Variants in MYOT observed in about 807,000 individuals in gnomAD.
MYOT encodes myotilin.
A neutral mutation model predicts 58.0 loss-of-function variants in MYOT; 36 were observed. That is an observed-to-expected ratio of 0.62 (90% CI 0.48 to 0.82). The LOEUF is 0.82. Among genes scored for constraint, MYOT ranks in the 40% least tolerant of loss-of-function variants. The probability of loss-of-function intolerance (pLI) is 0.00; values close to 1 mark genes in which losing one functional copy is unlikely to be tolerated. For missense variants in MYOT, 505 were observed against 592.1 expected (o/e 0.85, Z 1.53); for synonymous variants, 218 against 204.6 (o/e 1.07, Z -0.56).
chr5:137,871,176 C>T (rs1019610907), intron 2 of MYOT, among the ~76,000 whole-genome samples, 169 bp downstream of exon 2: 1 of 152,150 alleles, frequency 6.6e-6, no homozygotes, highest in Non-Finnish European at 1.5e-5. Flanking sequence ...AACCAGGGTA[C>T]TGGCAATAAG....
chr5:137,881,866 G>A (rs1025069213), intron 5 of MYOT, 107 bp from the exon 6 acceptor site: 15 of 1,186,890 alleles, frequency 1.3e-5, no homozygotes, highest in African/African-American at 6.1e-5. Context: ...TGGGCAACAA[G>A]AGTGAAACTC....
At chr5:137,880,590 T>A (rs1755394264) in intron 4 of MYOT, 1 of 445,756 alleles carries the variant, frequency 2.2e-6, no homozygotes, top group Admixed American at 3.8e-5. Context: ...CTAATTTTCA[T>A]AAATAATACT....
Position 137,886,959 on chromosome 5 carries a change from C to G in MYOT, c.1286C>G (p.Ala429Gly), listed in dbSNP as rs144731446. 622 of 1,613,302 alleles carry G rather than the reference C, an allele frequency of 3.9e-4. No individual in the cohort carries two copies. Among genetic ancestry groups the G allele is most frequent in the Non-Finnish European group, 5.0e-4 (591 of 1,179,292 alleles). Residue 429 changes from alanine (A) to glycine (G), a missense_variant, in exon 9 of 10, where the codon GCT becomes GGT. Physicochemically the swap from Ala to Gly is moderately conservative, Grantham distance 60 (BLOSUM62 0). Coordinates refer to ENST00000239926, the MANE Select transcript of MYOT (RefSeq NM_006790.3). The part of the protein sequence containing the change: ...GWYTVSAVNE[A>G]GVTTCNTRLD... ...TATACTGTGTCAGCAGTTAATGAAG[C>G]TGGAGTGACTACATGTAACACAAGA...
At chr5:137,886,238 CTA>C in intron 8 of MYOT, 25 bp downstream of exon 8, 1 of 1,565,920 alleles carries the variant, frequency 6.4e-7, no homozygotes, top group Non-Finnish European at 8.8e-7. Context: ...TCTAGACTTA[CTA>C]TAGTTTATTT....
At chr5:137,871,220 C>T (rs1381626607) in intron 2 of MYOT, among the ~76,000 whole-genome samples, 2 of 152,118 alleles carry the variant, frequency 1.3e-5, no homozygotes, top group African/African-American at 2.4e-5. Flanking sequence ...GTCCAAGCTG[C>T]GCTGAATCCA....
rs149213350 is a variant in MYOT, at chr5:137,887,297, G to C, written c.1409G>C (p.Gly470Ala). The change falls in exon 10 of 10, where the codon GGT becomes GCT. Residue 470 changes from glycine (G) to alanine (A), a missense_variant. Transcript: ENST00000239926. ...FSKYLALNGK[G>A]LNVKQAFNPE... The stretch of plus-strand genomic sequence containing the variant: ...AAATATTTAGCACTTAATGGGAAAG[G>C]TTTGAATGTAAAACAAGCTTTTAAC... 5.0e-6 allele frequency: 8 copies of C among 1,613,924 alleles called. No homozygotes were observed. The highest frequency in any genetic ancestry group is 6.8e-6 in the Non-Finnish European group (8 of 1,179,984).
Position 137,883,480 on chromosome 5 carries a change from C to G in MYOT, c.913C>G (p.Leu305Val). ...LHKMIVSEKG[L>V]HSLIFEVVRA... is the part of the protein sequence containing the mutation. ...CAAAATGATAGTGTCTGAGAAGGGT[C>G]TTCATTCACTCATCTTTGAAGTAGT... Residue 305 changes from leucine to valine, a missense_variant, in exon 7 of 10, where the codon CTT becomes GTT. Coordinates refer to ENST00000239926, the MANE Select transcript of MYOT (RefSeq NM_006790.3). 1.2e-6 allele frequency: 2 copies of G among 1,613,996 alleles called. No individual in the cohort carries two copies. The highest frequency in any genetic ancestry group is 1.7e-6 in the Non-Finnish European group (2 of 1,179,928).
intron 4 of MYOT, among the ~76,000 whole-genome samples, chr5:137,880,260 C>T (rs886917701): frequency 5.3e-5 from 8 of 152,290 alleles, no homozygotes; most frequent in Non-Finnish European, 1.2e-4. Flanking sequence ...CTTTATTAAA[C>T]AGGAATTAAT....
chr5:137,883,140 AAG>A, intron 6 of MYOT: 1 of 483,802 alleles, frequency 2.1e-6, no homozygotes, highest in Non-Finnish European at 3.7e-6. Flanking sequence ...AGAGTTCATA[AAG>A]AGACTGAGGT....
intron 8 of MYOT, 69 bp downstream of exon 8, chr5:137,886,282 T>G: frequency 8.6e-7 from 1 of 1,162,046 alleles, no homozygotes; most frequent in South Asian, 1.5e-5. Flanking sequence ...TTAACATGCA[T>G]TATAAATGGC....
Position 137,880,798 on chromosome 5 carries a change from CTTTGT to C in MYOT, c.634-14_634-10del, listed in dbSNP as rs747808820. The C allele has an allele frequency of 2.2e-4, 348 of 1,602,332 alleles. 2 individuals are homozygous for C. Among genetic ancestry groups the C allele is most frequent in the Middle Eastern group, 4.9e-4 (3 of 6,062 alleles). Reference sequence around the variant, plus strand: ...TAACAATTGCATGTAAACATTCTTACTTTGTTTTAATTTCAAGCAACACAACTCAG... The same window carrying C: ...TAACAATTGCATGTAAACATTCTTACTTTAATTTCAAGCAACACAACTCAG... On this transcript the variant is annotated splice_polypyrimidine_tract_variant and intron_variant, in intron 4 of 9. Transcript: ENST00000239926.
rs745567869 is a variant in MYOT at position 137,887,220 on chromosome 5, A to C, written c.1332A>C (p.Pro444=). ...CNTRLDVTAR[P]NQTLPAPKQL... is the part of the protein sequence containing the mutation. ...TTATGTGATCTATTTCAGCACGTCCAAACCAAACTCTTCCAGCTCCTAAGC... is the reference window on the plus strand; with the variant it reads ...TTATGTGATCTATTTCAGCACGTCCCAACCAAACTCTTCCAGCTCCTAAGC... The change falls in exon 10 of 10, where the codon CCA becomes CCC. Residue 444 remains proline (P), a synonymous_variant. Coordinates refer to ENST00000239926, the MANE Select transcript of MYOT (RefSeq NM_006790.3). 6.2e-7 allele frequency: 1 copy of C among 1,614,092 alleles called. No homozygotes were observed. Among genetic ancestry groups the C allele is most frequent in the East Asian group, 2.2e-5 (1 of 44,856 alleles).
intron 2 of MYOT, among the ~76,000 whole-genome samples, chr5:137,875,208 T>C (rs1755171608): frequency 6.6e-6 from 1 of 152,198 alleles, no homozygotes; most frequent in Non-Finnish European, 1.5e-5. Context: ...CGGATGCAGC[T>C]TGAGGCCACT....
intron 4 of MYOT, 118 bp from the exon 5 acceptor site, chr5:137,880,698 C>A: frequency 9.8e-6 from 8 of 815,994 alleles, no homozygotes; most frequent in South Asian, 8.6e-5. Flanking sequence ...ATAGAACTTA[C>A]CAGGGCTGTT....
At chr5:137,879,649 C>T (rs1288210353) in intron 4 of MYOT, among the ~76,000 whole-genome samples, 3 of 149,040 alleles carry the variant, frequency 2.0e-5, no homozygotes, top group Non-Finnish European at 3.0e-5. Flanking sequence ...CTCAGCCTCC[C>T]GAGTAGCTGG....
At position 137,886,852 on chromosome 5, in the gene MYOT, T is replaced by A. The variant is rs1380953529; in HGVS notation, c.1191-12T>A. The A allele has an allele frequency of 6.5e-7, 1 of 1,532,528 alleles. No homozygotes were observed. The highest frequency in any genetic ancestry group is 1.7e-5 in the Admixed American group (1 of 59,630). The allele number at this position is 1,532,528 out of a possible 1,614,324, so 94.9% of individuals were successfully genotyped here. A position where few individuals can be genotyped will look rare whatever the true frequency, so the allele number is the denominator to read the frequency against. ...TTCCTGTACTTTCATTTCTTAAAAA[T>A]TTTTATTTCAGCTTATATCAAGATA... On this transcript the variant is annotated splice_polypyrimidine_tract_variant and intron_variant, in intron 8 of 9. Transcript: ENST00000239926.
chr5:137,869,582 T>C (rs979047748), intron 1 of MYOT, among the ~76,000 whole-genome samples: 2 of 152,172 alleles, frequency 1.3e-5, no homozygotes, highest in Non-Finnish European at 2.9e-5. Context: ...TTTACTTCTA[T>C]GCTTCCTGTT....
intron 1 of MYOT, among the ~76,000 whole-genome samples, chr5:137,868,396 T>C (rs185205606): frequency 2.9e-4 from 44 of 152,310 alleles, no homozygotes; most frequent in African/African-American, 9.4e-4. Flanking sequence ...AAAATGACCC[T>C]GTCATATAAC....
intron 2 of MYOT, among the ~76,000 whole-genome samples, chr5:137,873,897 A>G (rs1755126612): frequency 6.6e-6 from 1 of 152,180 alleles, no homozygotes; most frequent in South Asian, 2.1e-4. Flanking sequence ...AACAAATAAG[A>G]CATATTTTTT....
Sources: allele counts gnomAD v4.1 joint callset (sites outside exome capture counted in the v4.1 genomes callset), GRCh38; gene constraint gnomAD v4.1.1; transcripts MANE v1.5; gene names NCBI Gene and HGNC (gene_info 2026-07-23, HGNC 2026-07-21).